The following CEP72 variants were observed in gnomAD, a reference collection of about 807,000 sequenced individuals.
CEP72 encodes centrosomal protein of 72 kDa.
A neutral mutation model predicts 65.7 loss-of-function variants in CEP72; 78 were observed. The ratio of observed to expected loss-of-function variants is 1.19; its 90% CI spans 0.99 to 1.43. The LOEUF (loss-of-function observed/expected upper bound fraction) is 1.43, where lower values mean the gene tolerates loss of function less well. Ranked by LOEUF, CEP72 falls within the 40% of genes most tolerant of loss-of-function variation. CEP72 has a pLI of 0.00. For missense variants in CEP72, 914 were observed against 832.9 expected, an observed-to-expected ratio of 1.10 and a Z score of -1.20; for synonymous variants, 358 against 351.7, an observed-to-expected ratio of 1.02 and a Z score of -0.20.
At chr5:662,457 G>A (rs554796808) in intron 1 of CEP72, 584 of 152,510 alleles carry the variant, frequency 3.8e-3, no homozygotes, top group Non-Finnish European at 5.7e-3. Flanking sequence ...GACCGGATCA[G>A]GGCCTGGCGA....
chr5:641,518 T>C (rs1738021843), intron 9 of CEP72: 3 of 981,148 alleles, frequency 3.1e-6, no homozygotes, highest in Non-Finnish European at 3.6e-6. Flanking sequence ...GCTTCCTCTT[T>C]AGAGAAGAAA....
At chr5:665,596 C>CCTCCAGG (rs1739863939) in intron 3 of CEP72, among the ~76,000 whole-genome samples, 1 of 150,428 alleles carries the variant, frequency 6.6e-6, no homozygotes, top group Non-Finnish European at 1.5e-5. Context: ...CAGGCCCCAC[C>CCTCCAGG]CTCCAGGCTA....
intron 4 of CEP72, among the ~76,000 whole-genome samples, chr5:633,326 C>T (rs1202245829): frequency 8.1e-6 from 1 of 123,024 alleles, no homozygotes; most frequent in Non-Finnish European, 1.8e-5. Flanking sequence ...TTGGCCCAGT[C>T]CTGGTGGGGT....
At chr5:627,699 A>G (rs1736844534) in intron 4 of CEP72, among the ~76,000 whole-genome samples, 1 of 152,144 alleles carries the variant, frequency 6.6e-6, no homozygotes, top group South Asian at 2.1e-4. Context: ...GATTTACAAG[A>G]TTGTTTCAAA....
chr5:625,113 G>A (rs1023362616), intron 4 of CEP72, among the ~76,000 whole-genome samples: 2 of 152,168 alleles, frequency 1.3e-5, no homozygotes, highest in Non-Finnish European at 2.9e-5. Flanking sequence ...GTGTGAGCCG[G>A]GCCTGCTTCC....
chr5:647,019 G>A (rs1272110993), intron 10 of CEP72, among the ~76,000 whole-genome samples: 1 of 152,248 alleles, frequency 6.6e-6, no homozygotes, highest in Non-Finnish European at 1.5e-5. Flanking sequence ...GCCGCCCTGC[G>A]CTTCCTTCAT....
chr5:618,639 G>A (rs1388977825), intron 1 of CEP72, among the ~76,000 whole-genome samples: 1 of 152,112 alleles, frequency 6.6e-6, no homozygotes, highest in South Asian at 2.1e-4. Flanking sequence ...CAGGGTGGGG[G>A]CAGTGGATGG....
downstream of CEP72, among the ~76,000 whole-genome samples, chr5:654,255 C>CTG (rs562341078): frequency 7.0e-6 from 1 of 143,334 alleles, no homozygotes; most frequent in Non-Finnish European, 1.5e-5. Context: ...TGCATGCTTG[C>CTG]TGTGTGTGTG....
At chr5:621,627 A>T (rs1271148132) in intron 3 of CEP72, among the ~76,000 whole-genome samples, 1 of 152,176 alleles carries the variant, frequency 6.6e-6, no homozygotes, top group African/African-American at 2.4e-5. Context: ...GTGGAGGAGC[A>T]CCTAAGCGCC....
rs1449185910 is a variant in CEP72, at chr5:631,411, G to A, written c.513-2358G>A. 4.2e-4 allele frequency among the ~76,000 whole-genome samples: 15 copies of A among 35,320 alleles called. 1 individual carries two copies. The highest frequency in any genetic ancestry group is 3.7e-3 in the Admixed American group (14 of 3,750). The allele number at this position is 35,320 out of a possible 152,430, so 23.2% of individuals were successfully genotyped here. ...GGGTTCTGTCCAGCGCCGGGATTTG[G>A]CCCAGTCCTGGTGGGGTTCTGTCCA... On this transcript the variant is annotated intron_variant, in intron 4 of 11. Transcript: ENST00000264935.
rs548539745 is a variant in CEP72, at chr5:640,898, C to T, written c.1539+294C>T. ...GGGTGCTGCAGGAGCCAGGCCTGGA[C>T]GTGACTTTGTCTTGCTGACCCATCT... is the stretch of plus-strand genomic sequence containing the variant. On this transcript the variant is annotated intron_variant, in intron 9 of 11. Transcript: ENST00000264935. The T allele has an allele frequency of 2.1e-3, 2,070 of 985,442 alleles. 3 individuals carry two copies. Among genetic ancestry groups the T allele is most frequent in the Non-Finnish European group, 2.3e-3 (1,908 of 829,918 alleles). 61.0% of individuals were successfully genotyped at this position (985,442 alleles called of 1,614,324 possible).
intron 4 of CEP72, among the ~76,000 whole-genome samples, chr5:626,070 C>T (rs536376021): frequency 5.3e-5 from 8 of 152,234 alleles, no homozygotes; most frequent in Non-Finnish European, 7.4e-5. Context: ...GCACAGTGCG[C>T]CACTCCTGAC....
chr5:675,206 G>A, the CEP72 span, among the ~76,000 whole-genome samples: 5 of 128,442 alleles, frequency 3.9e-5, no homozygotes, highest in Non-Finnish European at 6.7e-5. Context: ...CAGGGGTTCA[G>A]TGTAGCCGGG....
intron 9 of CEP72, 80 bp downstream of exon 9, chr5:640,684 C>T: frequency 1.3e-6 from 2 of 1,489,188 alleles, no homozygotes; most frequent in Non-Finnish European, 8.9e-7. Flanking sequence ...GAGGGCAGCT[C>T]CTTGATGCCA....
intron 8 of CEP72, among the ~76,000 whole-genome samples, chr5:640,030 G>T (rs1435862747): frequency 1.3e-5 from 2 of 152,228 alleles, no homozygotes; most frequent in Non-Finnish European, 2.9e-5. Context: ...GTGGCGGGGG[G>T]ACTGTCCCAG....
rs1204498571 is a variant in CEP72, at chr5:619,062, G to GT, written c.158dup (p.Leu53PhefsTer16). 1.2e-6 allele frequency: 2 copies of GT among 1,613,608 alleles called. No individual in the cohort carries two copies. The highest frequency in any genetic ancestry group is 1.7e-6 in the Non-Finnish European group (2 of 1,179,650). Reference sequence around the variant, plus strand: ...ACCCACCTGGGACATTCTCTGATGAGTTTAACAGGTCTGAAATCTTTGGAT... The same window carrying GT: ...ACCCACCTGGGACATTCTCTGATGAGTTTTAACAGGTCTGAAATCTTTGGAT... On this transcript the variant is annotated frameshift_variant, in exon 2 of 12. Transcript: ENST00000264935. LOFTEE classifies it high-confidence loss of function.
intron 4 of CEP72, 49 bp from the exon 5 acceptor site, chr5:633,720 A>G: frequency 1.3e-6 from 2 of 1,571,560 alleles, no homozygotes; most frequent in Non-Finnish European, 1.7e-6. Flanking sequence ...CGTGGGCCGG[A>G]GCATATGGCT....
At position 624,013 on chromosome 5, in the gene CEP72, A is replaced by G. The variant is rs1230949848; in HGVS notation, c.404-458A>G. 6.6e-6 allele frequency among the ~76,000 whole-genome samples: 1 copy of G among 151,990 alleles called. No individual in the cohort carries two copies. Among genetic ancestry groups the G allele is most frequent in the African/African-American group, 2.4e-5 (1 of 41,388 alleles). On this transcript the variant is annotated intron_variant, in intron 3 of 11. Coordinates refer to ENST00000264935, the MANE Select transcript of CEP72 (RefSeq NM_018140.4). The surrounding 1 kb of genome is among the most constrained non-coding windows in gnomAD (Gnocchi z 4.7). ...GGGATTTACATGAGGAAGCTCCAGG[A>G]GTTCTTGGGTGGGAGCCTGGTGGCC...
chr5:637,176 G>A lies in CEP72; in HGVS notation c.905-341G>A, dbSNP rs2173942. ...CGTGTGCTTAGACGTTGTTTGGAAC[G>A]CGTTGTTGAAGCGTACTGCACGTCG... On this transcript the variant is annotated intron_variant, in intron 6 of 11. Coordinates refer to ENST00000264935, the MANE Select transcript of CEP72 (RefSeq NM_018140.4). Among the ~76,000 whole-genome samples, 509 of 152,326 alleles carry A rather than the reference G, an allele frequency of 3.3e-3. 4 individuals carry two copies. Among genetic ancestry groups the A allele is most frequent in the East Asian group, 0.021 (108 of 5,180 alleles).
Sources: gnomAD v4.1 joint callset for allele counts (sites outside exome capture counted in the v4.1 genomes callset) on GRCh38, gnomAD v4.1.1 for gene constraint, Gnocchi (gnomAD v3.1) non-coding constraint, MANE v1.5 for transcripts, NCBI Gene and HGNC (gene_info 2026-07-23, HGNC 2026-07-21) for gene names.